RREB1: variants seen among roughly 807,000 people sequenced by gnomAD.
RREB1 encodes the protein ras-responsive element-binding protein 1.
Under a neutral mutation model 117.8 loss-of-function variants are expected in RREB1, and 27 were observed. The ratio of observed to expected loss-of-function variants is 0.23; its 90% CI spans 0.17 to 0.32. The LOEUF is 0.32. Among genes scored for constraint, RREB1 ranks in the 10% least tolerant of loss-of-function variants. RREB1 has a pLI of 1.00. For synonymous variants in RREB1, 1,298 were observed against 1,026.7 expected (o/e 1.26, Z -5.05); for missense variants, 2,577 against 2,378.2 (o/e 1.08, Z -1.74).
chr6:7,201,115 G>A (rs774634052), intron 6 of RREB1, among the ~76,000 whole-genome samples: 1 of 152,138 alleles, frequency 6.6e-6, no homozygotes, highest in Non-Finnish European at 1.5e-5. Context: ...AGGATGACTA[G>A]CAGAGAGCTG....
chr6:7,144,227 C>T (rs1336129261), intron 1 of RREB1, among the ~76,000 whole-genome samples: 2 of 151,928 alleles, frequency 1.3e-5, no homozygotes, highest in Admixed American at 6.6e-5. Flanking sequence ...CTTAAATGTT[C>T]TCATAACAAA....
intron 1 of RREB1, among the ~76,000 whole-genome samples, chr6:7,124,743 C>T (rs1761836900): frequency 6.6e-6 from 1 of 152,192 alleles, no homozygotes; most frequent in South Asian, 2.1e-4. Context: ...TTACCAGCCG[C>T]CTAAATTCCT....
chr6:7,234,391 A>G (rs947022192), intron 10 of RREB1, among the ~76,000 whole-genome samples: 1 of 150,984 alleles, frequency 6.6e-6, no homozygotes, highest in African/African-American at 2.4e-5. Flanking sequence ...CTGTCACCCA[A>G]CCTCCCCATC....
Position 7,229,709 on chromosome 6 carries a change from G to C in RREB1, c.1610G>C (p.Cys537Ser), listed in dbSNP as rs754280233. The C allele has an allele frequency of 2.5e-6, 4 of 1,605,920 alleles. No homozygotes were observed. The Admixed American group carries it at 6.7e-5, about 27-fold the overall frequency. Residue 537 changes from cysteine to serine, a missense_variant, in exon 10 of 13, where the codon TGT (cysteine) becomes TCT (serine). Transcript: ENST00000379938. The surrounding 1 kb of genome is among the most constrained non-coding windows in gnomAD (Gnocchi z 4.5). Reference protein sequence around the residue: ...LINAQQASPGCISPSLPPPPL... With the variant: ...LINAQQASPGSISPSLPPPPL... ...AACGCCCAGCAGGCTTCCCCGGGCT[G>C]TATCAGCCCCAGCCTGCCGCCACCG...
Position 7,229,670 on chromosome 6 carries a change from C to T in RREB1, c.1571C>T (p.Pro524Leu), listed in dbSNP as rs768695561. 2.5e-6 allele frequency: 4 copies of T among 1,611,828 alleles called. No homozygotes were observed. Among genetic ancestry groups the T allele is most frequent in the East Asian group, 2.2e-5 (1 of 44,870 alleles). ...TPRTVVATST[P>L]PPLINAQQAS... is the part of the protein sequence containing the mutation. ...CGGACGGTGGTGGCCACCTCCACGC[C>T]CCCGCCTCTCATCAACGCCCAGCAG... is the stretch of plus-strand genomic sequence containing the variant. Residue 524 changes from proline (P) to leucine (L), a missense_variant, in exon 10 of 13, where the codon CCC becomes CTC. Transcript: ENST00000379938. This position sits in a 1 kb window ranked among gnomAD's most constrained non-coding sequence, Gnocchi z 4.5.
intron 12 of RREB1, among the ~76,000 whole-genome samples, chr6:7,248,064 C>A (rs925853262): frequency 3.9e-5 from 6 of 152,198 alleles, no homozygotes; most frequent in Admixed American, 3.9e-4. Flanking sequence ...CTGGGCCTGG[C>A]GTGTGAGCCA....
chr6:7,142,465 A>G (rs1212681221), intron 1 of RREB1, among the ~76,000 whole-genome samples: 1 of 152,264 alleles, frequency 6.6e-6, no homozygotes, highest in East Asian at 1.9e-4. Flanking sequence ...CTGTACTGGA[A>G]GTACATCACC....
chr6:7,209,957 T>C (rs1197336342), intron 6 of RREB1, among the ~76,000 whole-genome samples: 3 of 152,286 alleles, frequency 2.0e-5, no homozygotes, highest in African/African-American at 7.2e-5. Flanking sequence ...CAAAACTAAA[T>C]CATTTTTATG....
chr6:7,124,116 G>A (rs999361238), intron 1 of RREB1, among the ~76,000 whole-genome samples: 28 of 152,198 alleles, frequency 1.8e-4, no homozygotes, highest in African/African-American at 6.0e-4. Flanking sequence ...GTGGTCACCC[G>A]TCTGAGAGTT....
At position 7,219,153 on chromosome 6, in the gene RREB1, C is replaced by A. The variant is rs1436124455; in HGVS notation, c.708-7314C>A. On this transcript the variant is annotated intron_variant, in intron 8 of 12. Coordinates refer to ENST00000379938, the MANE Select transcript of RREB1 (RefSeq NM_001003699.4). ...GGCACGGTGTCTCAGGCCTGTAATCCCAGCTACTGGGGAGGCTGAGGCATG... is the reference window on the plus strand; with the variant it reads ...GGCACGGTGTCTCAGGCCTGTAATCACAGCTACTGGGGAGGCTGAGGCATG... 5 of 147,832 alleles carry A rather than the reference C, an allele frequency of 3.4e-5. No individual in the cohort carries two copies. The East Asian group carries it at 9.8e-4, about 29-fold the overall frequency. 9.2% of individuals were successfully genotyped at this position (147,832 alleles called of 1,614,324 possible).
chr6:7,173,796 GGAAA>G (rs954567803), intron 1 of RREB1, among the ~76,000 whole-genome samples: 9 of 152,040 alleles, frequency 5.9e-5, no homozygotes, highest in African/African-American at 2.2e-4. Context: ...AAAAAAAAAG[GGAAA>G]GAAAGAAAAA....
intron 10 of RREB1, among the ~76,000 whole-genome samples, chr6:7,237,720 G>C (rs1005546837): frequency 1.3e-5 from 2 of 152,146 alleles, no homozygotes; most frequent in African/African-American, 4.8e-5. Context: ...TTTGAAACCT[G>C]CGTTATTATA....
intron 8 of RREB1, among the ~76,000 whole-genome samples, chr6:7,223,484 C>T (rs1242129984): frequency 1.4e-5 from 2 of 141,646 alleles, no homozygotes; most frequent in African/African-American, 2.8e-5. Flanking sequence ...TCACTTGAAC[C>T]GGGGAAGCAG....
In RREB1 at chr6:7,246,964, C is replaced by T. The variant is rs1170443092; in HGVS notation, c.4514C>T (p.Ala1505Val). The T allele has an allele frequency of 3.8e-6, 6 of 1,573,456 alleles. No homozygotes were observed. In the South Asian group the frequency reaches 5.8e-5, roughly 15 times the overall value. The change falls in exon 12 of 13, where the codon GCA becomes GTA. Residue 1505 changes from alanine to valine, a missense_variant. Ala to Val is a moderately conservative substitution (Grantham distance 64). Transcript: ENST00000379938. ...EQEEKPPETP[A>V]EVVESAPGAG... Reference sequence around the variant, plus strand: ...GAGGAGAAGCCCCCCGAGACCCCGGCAGAGGTGGTGGAGTCGGCCCCGGGT... The same window carrying T: ...GAGGAGAAGCCCCCCGAGACCCCGGTAGAGGTGGTGGAGTCGGCCCCGGGT...
chr6:7,116,039 G>T (rs1761382754), intron 1 of RREB1, among the ~76,000 whole-genome samples: 1 of 152,136 alleles, frequency 6.6e-6, no homozygotes, highest in South Asian at 2.1e-4. Flanking sequence ...TTAATTTCCT[G>T]CCACCAGTTT....
chr6:7,132,145 C>T (rs1762182122), intron 1 of RREB1, among the ~76,000 whole-genome samples: 1 of 152,150 alleles, frequency 6.6e-6, no homozygotes. Flanking sequence ...GCCTCTGCCT[C>T]CCGGGTTCAA....
intron 1 of RREB1, among the ~76,000 whole-genome samples, chr6:7,151,494 A>G (rs118056872): frequency 6.6e-6 from 1 of 152,298 alleles, no homozygotes; most frequent in East Asian, 1.9e-4. Flanking sequence ...AGGGACTTCA[A>G]AGTGCTTGGG....
At chr6:7,150,211 A>C (rs1348394012) in intron 1 of RREB1, among the ~76,000 whole-genome samples, 1 of 152,168 alleles carries the variant, frequency 6.6e-6, no homozygotes, top group Non-Finnish European at 1.5e-5. Context: ...AAGTGGTTTG[A>C]TATTATATAC....
chr6:7,224,634 AG>A (rs1767475500), intron 8 of RREB1, among the ~76,000 whole-genome samples: 1 of 152,176 alleles, frequency 6.6e-6, no homozygotes, highest in East Asian at 1.9e-4. Context: ...TATTTCAGCC[AG>A]AAAGAACCTC....
Sources: allele counts gnomAD v4.1 joint callset (sites outside exome capture counted in the v4.1 genomes callset), GRCh38; gene constraint gnomAD v4.1.1; non-coding constraint Gnocchi (gnomAD v3.1); transcripts MANE v1.5; gene names NCBI Gene and HGNC (gene_info 2026-07-23, HGNC 2026-07-21).